Variants in PCLO observed in about 807,000 individuals in gnomAD.
The protein encoded by PCLO is protein piccolo.
PCLO carries 82 observed loss-of-function variants against 427.5 expected under a neutral mutation model. The ratio of observed to expected loss-of-function variants is 0.19; its 90% CI spans 0.16 to 0.23. The LOEUF is 0.23. Ranked by LOEUF, PCLO falls within the 10% of genes least tolerant of loss-of-function variation. PCLO has a pLI of 1.00. For synonymous variants in PCLO, 2,357 were observed against 2,155.4 expected (o/e 1.09, Z -2.59); for missense variants, 6,239 against 6,115.9 (o/e 1.02, Z -0.67).
At chr7:82,840,988 T>G (rs1792352538) in intron 14 of PCLO, among the ~76,000 whole-genome samples, 3 of 151,658 alleles carry the variant, frequency 2.0e-5, no homozygotes, top group South Asian at 2.1e-4. Context: ...TTTTATTTTA[T>G]TTTCCTGATG....
intron 6 of PCLO, among the ~76,000 whole-genome samples, chr7:82,932,881 C>T (rs1236476289): frequency 6.6e-6 from 1 of 152,020 alleles, no homozygotes; most frequent in Non-Finnish European, 1.5e-5. Context: ...TAATTTGTTA[C>T]ACTGTAATAG....
intron 6 of PCLO, among the ~76,000 whole-genome samples, chr7:82,925,079 C>A (rs1371230766): frequency 6.6e-6 from 1 of 152,000 alleles, no homozygotes; most frequent in African/African-American, 2.4e-5. Flanking sequence ...CAAGAATAAG[C>A]CTTTTCTTTG....
intron 9 of PCLO, among the ~76,000 whole-genome samples, chr7:82,902,140 G>A (rs531626312): frequency 0.024 from 3,642 of 151,618 alleles, 160 homozygotes; most frequent in African/African-American, 0.084. Flanking sequence ...TGTTTATTGC[G>A]GGACTATTCA....
intron 3 of PCLO, among the ~76,000 whole-genome samples, chr7:83,124,387 CA>C (rs1791372098): frequency 6.7e-6 from 1 of 148,576 alleles, no homozygotes. Flanking sequence ...AGTAAACATA[CA>C]AATGTCCAAC....
At chr7:83,041,361 TGTTA>T (rs1788968848) in intron 3 of PCLO, among the ~76,000 whole-genome samples, 1 of 152,166 alleles carries the variant, frequency 6.6e-6, no homozygotes, top group African/African-American at 2.4e-5. Context: ...TTCCAGAGGC[TGTTA>T]AAGTCTCTAT....
At chr7:82,879,887 G>A in intron 9 of PCLO, 2 of 439,168 alleles carry the variant, frequency 4.6e-6, no homozygotes, top group East Asian at 7.2e-5. Flanking sequence ...ACATACAATT[G>A]TAATTTATAA....
chr7:82,832,364 G>C (rs965558917), intron 16 of PCLO, among the ~76,000 whole-genome samples: 3 of 152,038 alleles, frequency 2.0e-5, no homozygotes, highest in East Asian at 1.9e-4. Context: ...CCATTCTCCT[G>C]CCTCAGCCTC....
At chr7:83,106,593 T>C (rs1790862657) in intron 3 of PCLO, among the ~76,000 whole-genome samples, 1 of 152,194 alleles carries the variant, frequency 6.6e-6, no homozygotes, top group Non-Finnish European at 1.5e-5. Context: ...TGAGAGCAGA[T>C]GTCATGCCAT....
chr7:83,061,874 C>T (rs1415130387), intron 3 of PCLO, among the ~76,000 whole-genome samples: 1 of 152,140 alleles, frequency 6.6e-6, no homozygotes. Context: ...TACGAAATGA[C>T]TTAGCTCAAT....
chr7:82,986,964 C>T (rs761695675), intron 3 of PCLO, among the ~76,000 whole-genome samples: 15 of 151,814 alleles, frequency 9.9e-5, no homozygotes, highest in Non-Finnish European at 1.9e-4. Context: ...AATAATTATT[C>T]TTACAATCTC....
intron 3 of PCLO, among the ~76,000 whole-genome samples, chr7:82,970,294 T>C (rs1374392717): frequency 6.6e-6 from 1 of 151,966 alleles, no homozygotes; most frequent in African/African-American, 2.4e-5. Context: ...TAACTAGACA[T>C]TTTGTAGAAG....
At chr7:82,936,775 T>TAAAC (rs1233901047) in intron 6 of PCLO, among the ~76,000 whole-genome samples, 1 of 151,646 alleles carries the variant, frequency 6.6e-6, no homozygotes, top group African/African-American at 2.4e-5. Flanking sequence ...GATGAATGAA[T>TAAAC]AAACAAACTG....
intron 21 of PCLO, among the ~76,000 whole-genome samples, chr7:82,801,805 T>C (rs943071807): frequency 6.6e-6 from 1 of 152,158 alleles, no homozygotes; most frequent in African/African-American, 2.4e-5. Context: ...TGTGAACTTG[T>C]TTATTATTCC....
chr7:82,832,375 C>T (rs1296453106), intron 16 of PCLO, among the ~76,000 whole-genome samples: 1 of 151,920 alleles, frequency 6.6e-6, no homozygotes, highest in African/African-American at 2.4e-5. Flanking sequence ...CCTCAGCCTC[C>T]TGAGTAGCTG....
At chr7:83,082,508 G>A (rs992096407) in intron 3 of PCLO, among the ~76,000 whole-genome samples, 1 of 151,732 alleles carries the variant, frequency 6.6e-6, no homozygotes, top group African/African-American at 2.4e-5. Flanking sequence ...GCACAGTGAG[G>A]AGGTGGATAT....
intron 13 of PCLO, among the ~76,000 whole-genome samples, 168 bp from the exon 14 acceptor site, chr7:82,841,677 A>G (rs1018311051): frequency 1.3e-5 from 2 of 152,084 alleles, no homozygotes; most frequent in Non-Finnish European, 2.9e-5. Context: ...ACGGTTCTCA[A>G]TACACATTTA....
intron 7 of PCLO, among the ~76,000 whole-genome samples, chr7:82,909,383 C>A (rs948293226): frequency 2.0e-5 from 3 of 152,022 alleles, no homozygotes; most frequent in African/African-American, 7.2e-5. Context: ...TCAGTTCCCA[C>A]ATCCACACAT....
intron 3 of PCLO, among the ~76,000 whole-genome samples, chr7:82,998,386 T>C (rs1191947553): frequency 3.1e-5 from 4 of 127,952 alleles, no homozygotes; most frequent in Non-Finnish European, 6.6e-5. Context: ...AGGTCTGTCC[T>C]TTAAAAACAA....
intron 2 of PCLO, among the ~76,000 whole-genome samples, chr7:83,145,906 T>C (rs1418868139): frequency 6.6e-6 from 1 of 152,190 alleles, no homozygotes; most frequent in Non-Finnish European, 1.5e-5. Flanking sequence ...TAAAATCTCA[T>C]ATTTTCCAGT....
Sources: allele counts gnomAD v4.1 joint callset (sites outside exome capture counted in the v4.1 genomes callset), GRCh38; gene constraint gnomAD v4.1.1; transcripts MANE v1.5; gene names NCBI Gene and HGNC (gene_info 2026-07-23, HGNC 2026-07-21).